Variants in DSCAML1 observed in about 807,000 individuals in gnomAD.
DSCAML1 encodes the protein DS cell adhesion molecule like 1.
DSCAML1 carries 38 observed loss-of-function variants against 200.5 expected under a neutral mutation model. The observed-to-expected ratio is 0.19, with a 90% confidence interval of 0.15 to 0.25. DSCAML1 has a LOEUF of 0.25. DSCAML1 is among the 10% of genes least tolerant of loss of function. The pLI, the probability that DSCAML1 is intolerant of heterozygous loss-of-function variation, is 1.00. For missense variants in DSCAML1, 2,223 were observed against 2,858.8 expected (o/e 0.78, Z 5.07); for synonymous variants, 1,215 against 1,165.0 (o/e 1.04, Z -0.87).
chr11:117,625,801 CA>C (rs1315152034), intron 3 of DSCAML1, among the ~76,000 whole-genome samples: 1 of 152,186 alleles, frequency 6.6e-6, no homozygotes, highest in African/African-American at 2.4e-5. Context: ...TCCAGGGACA[CA>C]AAATAGCCTG....
In DSCAML1 at chr11:117,726,644, C is replaced by T. The variant is rs569420757; in HGVS notation, c.511+50147G>A. ...CCAAGCAAGACCTCCACTCTTTCTTCGCAAGATCTAGTGTTCAAGCCATCT... is the reference window on the plus strand; with the variant it reads ...CCAAGCAAGACCTCCACTCTTTCTTTGCAAGATCTAGTGTTCAAGCCATCT... On this transcript the variant is annotated intron_variant, in intron 3 of 32. Coordinates refer to ENST00000651296, the MANE Select transcript of DSCAML1 (RefSeq NM_020693.4). 2.2e-4 allele frequency among the ~76,000 whole-genome samples: 33 copies of T among 152,142 alleles called. No homozygotes were observed. In the East Asian group the frequency reaches 4.1e-3, roughly 19 times the overall value.
chr11:117,788,838 G>C (rs2134066765), intron 1 of DSCAML1, among the ~76,000 whole-genome samples: 1 of 152,346 alleles, frequency 6.6e-6, no homozygotes, highest in East Asian at 1.9e-4. Flanking sequence ...CTTTATGCCA[G>C]GATGTGTGGC....
chr11:117,657,236 G>T (rs1305272295), intron 3 of DSCAML1, among the ~76,000 whole-genome samples: 2 of 152,140 alleles, frequency 1.3e-5, no homozygotes, highest in African/African-American at 4.8e-5. Flanking sequence ...CATCTCCCTA[G>T]GACTTGAGGC....
At chr11:117,484,392 C>T (rs2048995521) in intron 11 of DSCAML1, among the ~76,000 whole-genome samples, 3 of 152,168 alleles carry the variant, frequency 2.0e-5, no homozygotes, top group South Asian at 4.1e-4. Context: ...TTGATGCTGA[C>T]GACAGCCCTG....
chr11:117,547,429 C>A (rs964051987), intron 3 of DSCAML1, among the ~76,000 whole-genome samples: 3 of 152,164 alleles, frequency 2.0e-5, no homozygotes, highest in Non-Finnish European at 4.4e-5. Context: ...GCCCTTGGCT[C>A]GCTTCTAAGG....
At chr11:117,565,824 G>A (rs1034305763) in intron 3 of DSCAML1, among the ~76,000 whole-genome samples, 2 of 152,194 alleles carry the variant, frequency 1.3e-5, no homozygotes, top group Non-Finnish European at 2.9e-5. Flanking sequence ...TGATGGCGGC[G>A]GAAGACTGAG....
At chr11:117,581,236 A>T (rs1201687707) in intron 3 of DSCAML1, among the ~76,000 whole-genome samples, 1 of 152,200 alleles carries the variant, frequency 6.6e-6, no homozygotes, top group Non-Finnish European at 1.5e-5. Context: ...GCTCACTATC[A>T]AAGTGTAATT....
Position 117,600,742 on chromosome 11 carries a change from G to A in DSCAML1, c.512-68220C>T, listed in dbSNP as rs543149419. Among the ~76,000 whole-genome samples the A allele has an allele frequency of 2.6e-5, 4 of 152,336 alleles. No individual in the cohort carries two copies. The South Asian group carries it at 6.2e-4, about 24-fold the overall frequency. Reference sequence around the variant, plus strand: ...TTGGCATTGCTGGTAGCCGTGCCACGTGGCTGTGGAGATGGCAGCTTCCTT... The same window carrying A: ...TTGGCATTGCTGGTAGCCGTGCCACATGGCTGTGGAGATGGCAGCTTCCTT... On this transcript the variant is annotated intron_variant, in intron 3 of 32. Transcript: ENST00000651296.
chr11:117,702,952 C>T (rs1346013793), intron 3 of DSCAML1, among the ~76,000 whole-genome samples: 2 of 152,202 alleles, frequency 1.3e-5, no homozygotes, highest in Non-Finnish European at 2.9e-5. Context: ...CAAATAACCA[C>T]CTCCTAATTT....
chr11:117,813,930 A>AT (rs1253667372), intron 1 of DSCAML1, among the ~76,000 whole-genome samples: 35 of 152,250 alleles, frequency 2.3e-4, no homozygotes, highest in African/African-American at 8.4e-4. Context: ...AAGCCATCGC[A>AT]TCCCCTGTGA....
At chr11:117,732,666 T>A (rs1169326138) in intron 3 of DSCAML1, among the ~76,000 whole-genome samples, 2 of 152,176 alleles carry the variant, frequency 1.3e-5, no homozygotes, top group African/African-American at 4.8e-5. Flanking sequence ...CTGCTGTCAC[T>A]TCTGAAAGGT....
intron 3 of DSCAML1, among the ~76,000 whole-genome samples, chr11:117,704,002 T>A (rs1307416891): frequency 1.3e-5 from 2 of 152,102 alleles, no homozygotes; most frequent in African/African-American, 4.8e-5. Flanking sequence ...GTTTGGAGAT[T>A]AAGCAACTTG....
rs146173022 is a variant in DSCAML1, at chr11:117,538,259, A to G, written c.512-5737T>C. On this transcript the variant is annotated intron_variant, in intron 3 of 32. Coordinates refer to ENST00000651296, the MANE Select transcript of DSCAML1 (RefSeq NM_020693.4). The stretch of plus-strand genomic sequence containing the variant: ...AATTTGATGTCTCCATGATCCCACT[A>G]TACTAGCGCAAGCCCCATTTCTTCT... Among the ~76,000 whole-genome samples, 433 of 152,338 alleles carry G rather than the reference A, an allele frequency of 2.8e-3. 5 individuals carry two copies. Among genetic ancestry groups the G allele is most frequent in the African/African-American group, 8.3e-3 (346 of 41,580 alleles).
chr11:117,437,717 G>A lies in DSCAML1; in HGVS notation c.4432+178C>T, dbSNP rs1052039653. Among the ~76,000 whole-genome samples, 12 of 152,128 alleles carry A rather than the reference G, an allele frequency of 7.9e-5. No individual in the cohort carries two copies. Among genetic ancestry groups the A allele is most frequent in the African/African-American group, 2.9e-4 (12 of 41,430 alleles). Reference sequence around the variant, plus strand: ...GGAAGTGGAACTAGTTTTTCCTAATGGGATCCATCGGGACACTGTGGTGAC... The same window carrying A: ...GGAAGTGGAACTAGTTTTTCCTAATAGGATCCATCGGGACACTGTGGTGAC... On this transcript the variant is annotated intron_variant, in intron 25 of 32. Coordinates refer to ENST00000651296, the MANE Select transcript of DSCAML1 (RefSeq NM_020693.4). This position sits in a 1 kb window ranked among gnomAD's most constrained non-coding sequence, Gnocchi z 5.3.
intron 14 of DSCAML1, among the ~76,000 whole-genome samples, chr11:117,474,417 C>G (rs2048747296): frequency 6.6e-6 from 1 of 152,220 alleles, no homozygotes; most frequent in Non-Finnish European, 1.5e-5. Context: ...CAAGCCTCCA[C>G]CCGAGGCTTC....
Position 117,677,138 on chromosome 11 carries a change from G to A in DSCAML1, c.511+99653C>T, listed in dbSNP as rs78694825. 3.1e-4 allele frequency among the ~76,000 whole-genome samples: 47 copies of A among 152,328 alleles called. No individual in the cohort carries two copies. In the East Asian group the frequency reaches 8.9e-3, roughly 29 times the overall value. ...CTTTTGGCTCTGATATCCTCAATTT[G>A]TGATGATGGCATGTAAAAGAGGACA... On this transcript the variant is annotated intron_variant, in intron 3 of 32. Transcript: ENST00000651296.
In DSCAML1 at chr11:117,723,618, C is replaced by T. The variant is rs191824985; in HGVS notation, c.511+53173G>A. On this transcript the variant is annotated intron_variant, in intron 3 of 32. Transcript: ENST00000651296. ...TTTGTGTTCAAAATGACCCATTCCGCGGCTGTTTTAGAAGCCTGCCCGGGG... is the reference window on the plus strand; with the variant it reads ...TTTGTGTTCAAAATGACCCATTCCGTGGCTGTTTTAGAAGCCTGCCCGGGG... Among the ~76,000 whole-genome samples, 612 of 152,336 alleles carry T rather than the reference C, an allele frequency of 4.0e-3. 1 individual carries two copies. The highest frequency in any genetic ancestry group is 6.9e-3 in the Non-Finnish European group (470 of 68,022).
rs1158540006 is a variant in DSCAML1, at chr11:117,498,261, G to A, written c.2359+5584C>T. 1.3e-5 allele frequency among the ~76,000 whole-genome samples: 2 copies of A among 152,236 alleles called. No individual in the cohort carries two copies. Among genetic ancestry groups the A allele is most frequent in the Non-Finnish European group, 2.9e-5 (2 of 68,038 alleles). On this transcript the variant is annotated intron_variant, in intron 11 of 32. Transcript: ENST00000651296. This position sits in a 1 kb window ranked among gnomAD's most constrained non-coding sequence, Gnocchi z 4.0. The stretch of plus-strand genomic sequence containing the variant: ...ACCTGTGCTGAGAGGGGCCTTGTGA[G>A]TATAGTGTGTGGACACCCAATCCAT...
At chr11:117,544,797 T>G (rs2050340488) in intron 3 of DSCAML1, among the ~76,000 whole-genome samples, 1 of 152,222 alleles carries the variant, frequency 6.6e-6, no homozygotes, top group African/African-American at 2.4e-5. Context: ...CTCCTTGTTT[T>G]GGACTGAATT....
Sources: allele counts gnomAD v4.1 joint callset (sites outside exome capture counted in the v4.1 genomes callset), GRCh38; gene constraint gnomAD v4.1.1; non-coding constraint Gnocchi (gnomAD v3.1); transcripts MANE v1.5; gene names NCBI Gene and HGNC (gene_info 2026-07-23, HGNC 2026-07-21).